WWOX: variants seen among roughly 807,000 people sequenced by gnomAD.
WWOX encodes WW domain-containing oxidoreductase.
Under a neutral mutation model 46.2 loss-of-function variants are expected in WWOX, and 69 were observed. That is an observed-to-expected ratio of 1.49 (90% CI 1.23 to 1.82). The LOEUF is 1.82. WWOX is among the 40% of genes most tolerant of loss of function. The pLI, the probability that WWOX is intolerant of heterozygous loss-of-function variation, is 0.00. For missense variants in WWOX, 919 were observed against 542.6 expected (o/e 1.69, Z -6.89); for synonymous variants, 359 against 202.6 (o/e 1.77, Z -6.56).
chr16:78,578,954 C>G (rs907703745), intron 8 of WWOX, among the ~76,000 whole-genome samples: 1 of 152,170 alleles, frequency 6.6e-6, no homozygotes, highest in Non-Finnish European at 1.5e-5. Context: ...TATGAACTTT[C>G]TTGCTTTTCA....
chr16:79,134,909 G>C (rs954600135), intron 8 of WWOX, among the ~76,000 whole-genome samples: 1 of 152,204 alleles, frequency 6.6e-6, no homozygotes, highest in Non-Finnish European at 1.5e-5. Context: ...TAGCAAAGTG[G>C]AGTGAATGCC....
intron 8 of WWOX, among the ~76,000 whole-genome samples, chr16:79,178,064 C>G (rs2050836615): frequency 6.6e-6 from 1 of 152,080 alleles, no homozygotes. Flanking sequence ...AGGCACAAAT[C>G]CACTCTTGTG....
chr16:78,254,787 C>T (rs901519067), intron 5 of WWOX, among the ~76,000 whole-genome samples: 3 of 152,086 alleles, frequency 2.0e-5, no homozygotes, highest in Admixed American at 1.3e-4. Flanking sequence ...CCTCATCTTC[C>T]CAAAGTGCTC....
At chr16:78,148,026 A>G (rs893075679) in intron 4 of WWOX, among the ~76,000 whole-genome samples, 1 of 152,080 alleles carries the variant, frequency 6.6e-6, no homozygotes, top group Non-Finnish European at 1.5e-5. Context: ...CAGACGAGAA[A>G]GAGTAACGGA....
At chr16:78,914,480 CAGA>C (rs761915211) in intron 8 of WWOX, among the ~76,000 whole-genome samples, 1 of 151,962 alleles carries the variant, frequency 6.6e-6, no homozygotes, top group African/African-American at 2.4e-5. Context: ...CTTTTTAATG[CAGA>C]AGATTTCTTA....
chr16:78,700,108 C>A (rs553039367), intron 8 of WWOX, among the ~76,000 whole-genome samples: 1 of 151,608 alleles, frequency 6.6e-6, no homozygotes, highest in South Asian at 2.1e-4. Context: ...TTTTTTCAAC[C>A]CACACTAGTT....
chr16:78,906,030 G>A (rs4888875), intron 8 of WWOX, among the ~76,000 whole-genome samples: 27 of 152,038 alleles, frequency 1.8e-4, no homozygotes, highest in South Asian at 6.2e-4. Flanking sequence ...TGCAATGATG[G>A]ATGAATGAAT....
intron 8 of WWOX, among the ~76,000 whole-genome samples, chr16:78,538,286 T>G (rs939757943): frequency 6.6e-6 from 1 of 150,668 alleles, no homozygotes; most frequent in Admixed American, 6.6e-5. Flanking sequence ...TCACATTATT[T>G]TGGATGTCTG....
chr16:79,022,325 A>T (rs148242754), intron 8 of WWOX, among the ~76,000 whole-genome samples: 1 of 134,080 alleles, frequency 7.5e-6, no homozygotes, highest in East Asian at 2.3e-4. Context: ...GGGCAAGAGG[A>T]CTCTCCAGCA....
chr16:78,835,566 A>G (rs905721710), intron 8 of WWOX, among the ~76,000 whole-genome samples: 2 of 152,218 alleles, frequency 1.3e-5, no homozygotes, highest in East Asian at 3.9e-4. Flanking sequence ...GTTCACACAC[A>G]TATTGATATC....
At chr16:78,649,790 A>G (rs1228386336) in intron 8 of WWOX, among the ~76,000 whole-genome samples, 1 of 152,188 alleles carries the variant, frequency 6.6e-6, no homozygotes, top group Non-Finnish European at 1.5e-5. Flanking sequence ...AAAACCTTAC[A>G]CTTAAATACT....
At chr16:78,589,478 C>G (rs747850575) in intron 8 of WWOX, among the ~76,000 whole-genome samples, 2 of 152,162 alleles carry the variant, frequency 1.3e-5, no homozygotes, top group African/African-American at 4.8e-5. Context: ...TGTCCTGCCA[C>G]TCTTTTCCTC....
chr16:78,899,682 C>G (rs1597124291), intron 8 of WWOX: 1 of 152,080 alleles, frequency 6.6e-6, no homozygotes, highest in South Asian at 2.1e-4. Context: ...TTACAGATAC[C>G]CAGAACGGCT....
intron 8 of WWOX, among the ~76,000 whole-genome samples, chr16:78,969,000 G>A (rs2046417567): frequency 6.6e-6 from 1 of 151,916 alleles, no homozygotes; most frequent in South Asian, 2.1e-4. Flanking sequence ...TATATTTCCA[G>A]ATGGACTGCC....
intron 8 of WWOX, among the ~76,000 whole-genome samples, chr16:78,656,018 G>T (rs1359286851): frequency 6.6e-6 from 1 of 152,144 alleles, no homozygotes. Context: ...GTGAGGTCTA[G>T]GGTGAATACC....
chr16:78,735,998 C>T (rs2049083051), intron 8 of WWOX, among the ~76,000 whole-genome samples: 1 of 152,192 alleles, frequency 6.6e-6, no homozygotes, highest in African/African-American at 2.4e-5. Flanking sequence ...ATTCTGGCCT[C>T]TGTTGACTGT....
chr16:78,483,943 C>G (rs956262022), intron 8 of WWOX, among the ~76,000 whole-genome samples: 1 of 152,058 alleles, frequency 6.6e-6, no homozygotes, highest in African/African-American at 2.4e-5. Context: ...AACACGTGGC[C>G]CCTAGTGTGT....
intron 8 of WWOX, among the ~76,000 whole-genome samples, chr16:78,576,934 A>T (rs2044895911): frequency 6.6e-6 from 1 of 152,168 alleles, no homozygotes; most frequent in Admixed American, 6.5e-5. Context: ...ACTTTTATAT[A>T]TCTTGACCAT....
chr16:78,919,309 C>T (rs1293604226), intron 8 of WWOX, among the ~76,000 whole-genome samples: 1 of 151,868 alleles, frequency 6.6e-6, no homozygotes, highest in East Asian at 1.9e-4. Flanking sequence ...AGAAGTCAGA[C>T]AACTCACCCA....
Sources: allele counts gnomAD v4.1 joint callset (sites outside exome capture counted in the v4.1 genomes callset), GRCh38; gene constraint gnomAD v4.1.1; transcripts MANE v1.5; gene names NCBI Gene and HGNC (gene_info 2026-07-23, HGNC 2026-07-21).